GRB10: variants seen among roughly 807,000 people sequenced by gnomAD.
GRB10 encodes the protein growth factor receptor-bound protein 10.
A neutral mutation model predicts 80.9 loss-of-function variants in GRB10; 20 were observed. The ratio of observed to expected loss-of-function variants is 0.25; its 90% CI spans 0.17 to 0.36. The LOEUF is 0.36. Among genes scored for constraint, GRB10 ranks in the 10% least tolerant of loss-of-function variants. GRB10 has a pLI of 1.00. For synonymous variants in GRB10, 291 were observed against 291.5 expected (o/e 1.00, Z 0.02); for missense variants, 548 against 747.7 (o/e 0.73, Z 3.12).
At chr7:50,662,155 T>C (rs1393311970) in intron 7 of GRB10, among the ~76,000 whole-genome samples, 1 of 152,160 alleles carries the variant, frequency 6.6e-6, no homozygotes, top group African/African-American at 2.4e-5. Context: ...GCCTTGACCT[T>C]CTCAGTTGAA....
intron 3 of GRB10, among the ~76,000 whole-genome samples, chr7:50,749,989 G>GACA (rs2073824012): frequency 6.6e-6 from 1 of 152,222 alleles, no homozygotes; most frequent in Non-Finnish European, 1.5e-5. Context: ...ACTTAGGACA[G>GACA]ACTGTAACAG....
intron 8 of GRB10, among the ~76,000 whole-genome samples, chr7:50,624,596 G>A (rs553298388): frequency 3.3e-5 from 5 of 152,310 alleles, no homozygotes; most frequent in African/African-American, 7.2e-5. Context: ...CTGTGTCAAC[G>A]GGAATGAGTC....
chr7:50,661,842 C>G (rs954650372), intron 7 of GRB10, among the ~76,000 whole-genome samples: 1 of 152,206 alleles, frequency 6.6e-6, no homozygotes, highest in Non-Finnish European at 1.5e-5. Context: ...TTCTGGGTGA[C>G]AAGCCCAACT....
At chr7:50,606,903 G>GT (rs1295965064) in intron 13 of GRB10, 2 of 174,426 alleles carry the variant, frequency 1.1e-5, no homozygotes, top group Non-Finnish European at 2.5e-5. Context: ...AGCAATTTAA[G>GT]TTTTTCTTGT....
chr7:50,626,967 G>C lies in GRB10; in HGVS notation c.516C>G (p.Val172=), dbSNP rs1438285347. ...CTTTGCTTGTCCCATCTTCACTAAA[G>C]ACTTTAACATCCTGCAACACACAAA... ...SQAAAKQDVK[V]FSEDGTSKVV... is the part of the protein sequence containing the mutation. Residue 172 remains valine, a synonymous_variant, in exon 8 of 19, where the codon GTC becomes GTG. Coordinates refer to ENST00000401949, the MANE Select transcript of GRB10 (RefSeq NM_001350814.2). The C allele has an allele frequency of 8.1e-6, 13 of 1,614,130 alleles. No individual in the cohort carries two copies. The highest frequency in any genetic ancestry group is 1.1e-5 in the Non-Finnish European group (13 of 1,180,006).
At chr7:50,737,596 C>T (rs1309841609) in intron 3 of GRB10, among the ~76,000 whole-genome samples, 1 of 152,264 alleles carries the variant, frequency 6.6e-6, no homozygotes, top group African/African-American at 2.4e-5. Context: ...CACCTGTAAT[C>T]CCAACACTTC....
intron 17 of GRB10, among the ~76,000 whole-genome samples, chr7:50,602,577 A>T (rs986544765): frequency 6.6e-6 from 1 of 152,230 alleles, no homozygotes. Context: ...AAAGATGTTT[A>T]AAAAAATAGA....
chr7:50,699,850 T>C (rs1253705739), intron 5 of GRB10, among the ~76,000 whole-genome samples: 1 of 152,158 alleles, frequency 6.6e-6, no homozygotes, highest in Non-Finnish European at 1.5e-5. Context: ...AGAGAAATTG[T>C]TGGGGCCAGG....
chr7:50,616,780 G>C (rs78539485), intron 10 of GRB10, among the ~76,000 whole-genome samples: 2,281 of 152,348 alleles, frequency 0.015, 46 homozygotes, highest in African/African-American at 0.053. Context: ...GATGCACCCA[G>C]GTGCAGGACA....
chr7:50,728,579 T>C (rs1034740310), intron 4 of GRB10, among the ~76,000 whole-genome samples: 1 of 152,296 alleles, frequency 6.6e-6, no homozygotes, highest in Admixed American at 6.5e-5. Flanking sequence ...AAAAACTTTC[T>C]TCTGTAAAGG....
chr7:50,604,863 G>A (rs1272688028), intron 15 of GRB10: 4 of 287,762 alleles, frequency 1.4e-5, no homozygotes, highest in Non-Finnish European at 1.3e-5. Flanking sequence ...TTCCCACCTG[G>A]AGATTAAGAA....
intron 4 of GRB10, among the ~76,000 whole-genome samples, chr7:50,711,966 C>T (rs923230412): frequency 1.3e-5 from 2 of 151,978 alleles, no homozygotes; most frequent in Admixed American, 6.6e-5. Context: ...ATCTCGTAAG[C>T]GTGGGTGTGA....
intron 2 of GRB10, among the ~76,000 whole-genome samples, chr7:50,778,796 G>T (rs1029635719): frequency 1.3e-5 from 2 of 152,204 alleles, no homozygotes; most frequent in African/African-American, 4.8e-5. Flanking sequence ...CAAGGACCTT[G>T]GAAGAAGTGG....
chr7:50,651,343 T>G (rs926553608), intron 7 of GRB10, among the ~76,000 whole-genome samples: 2 of 152,130 alleles, frequency 1.3e-5, no homozygotes, highest in African/African-American at 4.8e-5. Flanking sequence ...CTCCTGGAGG[T>G]TCTGGCGGCT....
intron 4 of GRB10, chr7:50,729,445 AG>A (rs1473526295): frequency 1.3e-5 from 2 of 152,206 alleles, no homozygotes; most frequent in Non-Finnish European, 2.9e-5. Context: ...ATTTTGTCAT[AG>A]GTGCATAATT....
At chr7:50,684,342 T>A (rs1399558946) in intron 5 of GRB10, among the ~76,000 whole-genome samples, 3 of 151,044 alleles carry the variant, frequency 2.0e-5, no homozygotes, top group Admixed American at 1.3e-4. Context: ...ATTTTTTTTT[T>A]AATTGTGGTT....
At chr7:50,718,070 C>G (rs1262148663) in intron 4 of GRB10, among the ~76,000 whole-genome samples, 1 of 152,182 alleles carries the variant, frequency 6.6e-6, no homozygotes, top group East Asian at 1.9e-4. Flanking sequence ...CAATTCCAGC[C>G]CACTGACTAA....
intron 3 of GRB10, among the ~76,000 whole-genome samples, chr7:50,753,959 G>A (rs1324190750): frequency 6.6e-6 from 1 of 152,182 alleles, no homozygotes; most frequent in Non-Finnish European, 1.5e-5. Flanking sequence ...ACACTGTAAA[G>A]CCTTGCCAGA....
At chr7:50,759,984 C>G (rs1230018789) in intron 2 of GRB10, among the ~76,000 whole-genome samples, 3 of 152,186 alleles carry the variant, frequency 2.0e-5, no homozygotes, top group Non-Finnish European at 4.4e-5. Flanking sequence ...ATCTAGGTCT[C>G]AATTTCAGGG....
Sources: allele counts gnomAD v4.1 joint callset (sites outside exome capture counted in the v4.1 genomes callset), GRCh38; gene constraint gnomAD v4.1.1; transcripts MANE v1.5; gene names NCBI Gene and HGNC (gene_info 2026-07-23, HGNC 2026-07-21).